CADPS2: variants seen among roughly 807,000 people sequenced by gnomAD.
CADPS2 encodes the protein calcium dependent secretion activator 2.
In CADPS2, 93 loss-of-function variants were observed where a neutral mutation model predicts 172.5. The observed-to-expected ratio is 0.54, with a 90% CI of 0.46 to 0.64. The LOEUF (loss-of-function observed/expected upper bound fraction) is 0.64, where lower values mean the gene tolerates loss of function less well. Among genes scored for constraint, CADPS2 ranks in the 30% least tolerant of loss-of-function variants. CADPS2 has a pLI of 0.00. For synonymous variants in CADPS2, 546 were observed against 555.2 expected (o/e 0.98, Z 0.23); for missense variants, 1,420 against 1,565.9 (o/e 0.91, Z 1.57).
intron 17 of CADPS2, among the ~76,000 whole-genome samples, chr7:122,437,976 A>G (rs777264264): frequency 2.6e-5 from 4 of 152,162 alleles, no homozygotes. Flanking sequence ...AAATTACATA[A>G]TACTACACTG....
chr7:122,644,358 T>C (rs1410158887), intron 3 of CADPS2, among the ~76,000 whole-genome samples: 2 of 151,040 alleles, frequency 1.3e-5, no homozygotes, highest in African/African-American at 4.8e-5. Flanking sequence ...ACTACCTTCA[T>C]TGTCCAGGTC....
At chr7:122,494,987 G>A (rs182235988) in intron 9 of CADPS2, among the ~76,000 whole-genome samples, 94 of 151,984 alleles carry the variant, frequency 6.2e-4, no homozygotes, top group African/African-American at 2.2e-3. Context: ...GGGGTTGGAG[G>A]TGGGGGTGTT....
intron 8 of CADPS2, among the ~76,000 whole-genome samples, chr7:122,519,533 A>T (rs1255249505): frequency 6.6e-6 from 1 of 152,090 alleles, no homozygotes; most frequent in Non-Finnish European, 1.5e-5. Flanking sequence ...CAGTATAAAC[A>T]TAGCAATAAT....
At chr7:122,521,574 C>T (rs2060799956) in intron 8 of CADPS2, among the ~76,000 whole-genome samples, 1 of 151,844 alleles carries the variant, frequency 6.6e-6, no homozygotes, top group South Asian at 2.1e-4. Flanking sequence ...GAAGTAAATA[C>T]TTTCTGGTTG....
chr7:122,580,992 C>A (rs908710392), intron 7 of CADPS2, among the ~76,000 whole-genome samples, 187 bp downstream of exon 7: 1 of 152,100 alleles, frequency 6.6e-6, no homozygotes, highest in Non-Finnish European at 1.5e-5. Flanking sequence ...TATCACAATA[C>A]TTTCTGTGTT....
intron 28 of CADPS2, among the ~76,000 whole-genome samples, chr7:122,326,510 A>G (rs573560233): frequency 1.2e-3 from 187 of 152,234 alleles, no homozygotes; most frequent in African/African-American, 4.0e-3. Context: ...AATGCTACTC[A>G]TTCAGATAAA....
At chr7:122,509,977 T>G (rs1010562364) in intron 9 of CADPS2, among the ~76,000 whole-genome samples, 7 of 152,154 alleles carry the variant, frequency 4.6e-5, no homozygotes, top group African/African-American at 1.7e-4. Context: ...GGACATACAT[T>G]TTTGAATAGG....
At chr7:122,784,123 A>C (rs1391153521) in intron 1 of CADPS2, among the ~76,000 whole-genome samples, 5 of 152,090 alleles carry the variant, frequency 3.3e-5, no homozygotes, top group African/African-American at 4.8e-5. Context: ...ACTTCCATTA[A>C]AATTATTTTT....
chr7:122,595,160 C>CA (rs36106438), intron 6 of CADPS2, among the ~76,000 whole-genome samples: 1,529 of 131,240 alleles, frequency 0.012, 16 homozygotes, highest in African/African-American at 0.034. Flanking sequence ...TTATATGAAC[C>CA]AAAAAAAAAA....
chr7:122,853,754 G>A (rs754210567), intron 1 of CADPS2, among the ~76,000 whole-genome samples: 6 of 152,190 alleles, frequency 3.9e-5, no homozygotes, highest in African/African-American at 1.2e-4. Context: ...CCTTCCCAGG[G>A]GAATTAGGCT....
intron 1 of CADPS2, among the ~76,000 whole-genome samples, chr7:122,785,992 C>T (rs1302151941): frequency 6.6e-6 from 1 of 152,220 alleles, no homozygotes; most frequent in African/African-American, 2.4e-5. Context: ...CAAATTATAA[C>T]TTCTAGTAGT....
In CADPS2 at chr7:122,323,873, T is replaced by TTA. The variant is rs71159788; in HGVS notation, c.3717+1602_3717+1603dup. Among the ~76,000 whole-genome samples the TTA allele has an allele frequency of 2.2e-3, 252 of 112,284 alleles. 5 individuals carry two copies. The highest frequency in any genetic ancestry group is 8.5e-3 in the African/African-American group (210 of 24,712). The allele number at this position is 112,284 out of a possible 152,430, so 73.7% of individuals were successfully genotyped here. On this transcript the variant is annotated intron_variant, in intron 29 of 29. Transcript: ENST00000449022. ...TGCATATTATATACATATGTATATT[T>TTA]TATATATATATATATATATATATAT...
Position 122,738,893 on chromosome 7 carries a change from A to C in CADPS2, c.340-1825T>G, listed in dbSNP as rs370527418. On this transcript the variant is annotated intron_variant, in intron 1 of 29. Transcript: ENST00000449022. ...AAAACTTTTGCCATGGGCAGCGAAG[A>C]AAGAAGACCATTCCATCTCTTTACT... 2.8e-4 allele frequency among the ~76,000 whole-genome samples: 42 copies of C among 151,982 alleles called. No homozygotes were observed. The Middle Eastern group carries it at 0.01, about 37-fold the overall frequency.
chr7:122,504,843 G>A (rs997631986), intron 9 of CADPS2, among the ~76,000 whole-genome samples: 2 of 152,120 alleles, frequency 1.3e-5, no homozygotes, highest in African/African-American at 4.8e-5. Flanking sequence ...GGGATTATAG[G>A]TATCATCACC....
intron 2 of CADPS2, among the ~76,000 whole-genome samples, chr7:122,680,808 T>C (rs549692150): frequency 5.3e-5 from 8 of 152,254 alleles, no homozygotes; most frequent in African/African-American, 1.7e-4. Context: ...TAAATCATGC[T>C]TCTATAAAGA....
intron 3 of CADPS2, among the ~76,000 whole-genome samples, chr7:122,660,804 G>T (rs2080445732): frequency 6.6e-6 from 1 of 152,038 alleles, no homozygotes; most frequent in Non-Finnish European, 1.5e-5. Context: ...CAGCTACTTG[G>T]GAGGCTGAGG....
At chr7:122,551,859 T>C (rs138564466) in intron 8 of CADPS2, among the ~76,000 whole-genome samples, 1 of 152,278 alleles carries the variant, frequency 6.6e-6, no homozygotes, top group African/African-American at 2.4e-5. Flanking sequence ...TGCTTTGGTG[T>C]ATGATGGAAT....
chr7:122,436,485 T>G (rs2050659840), intron 17 of CADPS2: 1 of 466,930 alleles, frequency 2.1e-6, no homozygotes, highest in Admixed American at 4.3e-5. Context: ...TGGTTCTTAG[T>G]CTAGTCCTGA....
At chr7:122,754,978 G>T (rs1022773341) in intron 1 of CADPS2, among the ~76,000 whole-genome samples, 1 of 151,946 alleles carries the variant, frequency 6.6e-6, no homozygotes, top group Non-Finnish European at 1.5e-5. Flanking sequence ...ATTCATAATG[G>T]CTCATAGTCT....
Sources: gnomAD v4.1 joint callset for allele counts (sites outside exome capture counted in the v4.1 genomes callset) on GRCh38, gnomAD v4.1.1 for gene constraint, MANE v1.5 for transcripts, NCBI Gene and HGNC (gene_info 2026-07-23, HGNC 2026-07-21) for gene names.